The following OGFOD1 variants were observed in gnomAD, a reference collection of about 807,000 sequenced individuals.
OGFOD1 encodes prolyl 3-hydroxylase OGFOD1.
A neutral mutation model predicts 67.7 loss-of-function variants in OGFOD1; 54 were observed. The observed-to-expected ratio is 0.80, with a 90% CI of 0.64 to 1.00. OGFOD1 has a LOEUF of 1.00. OGFOD1 is among the 50% of genes least tolerant of loss of function. OGFOD1 has a pLI of 0.00. For missense variants in OGFOD1, 606 were observed against 646.7 expected, an observed-to-expected ratio of 0.94 and a Z score of 0.68; for synonymous variants, 221 against 227.0, an observed-to-expected ratio of 0.97 and a Z score of 0.24.
intron 8 of OGFOD1, among the ~76,000 whole-genome samples, chr16:56,468,402 G>A (rs1384841121): frequency 6.6e-6 from 1 of 152,172 alleles, no homozygotes; most frequent in Non-Finnish European, 1.5e-5. Flanking sequence ...TGATGAGGTA[G>A]CTTGTTATAG....
intron 7 of OGFOD1, 79 bp downstream of exon 7, chr16:56,467,372 C>A: frequency 1.3e-6 from 2 of 1,493,838 alleles, no homozygotes; most frequent in South Asian, 1.2e-5. Context: ...TTAGCTGTTC[C>A]ATTTAATGAA....
At chr16:56,464,418 C>T (rs537151246) in intron 4 of OGFOD1, among the ~76,000 whole-genome samples, 3 of 152,176 alleles carry the variant, frequency 2.0e-5, no homozygotes, top group South Asian at 4.2e-4. Flanking sequence ...CATCAAAGTT[C>T]GATTTGCTTA....
intron 11 of OGFOD1, 58 bp from the exon 12 acceptor site, chr16:56,475,449 G>C: frequency 6.8e-7 from 1 of 1,480,898 alleles, no homozygotes; most frequent in African/African-American, 1.4e-5. Flanking sequence ...GATTTAAGTA[G>C]ATGGTGCGAC....
intron 3 of OGFOD1, 56 bp downstream of exon 3, chr16:56,458,650 T>C (rs550903494): frequency 2.2e-6 from 3 of 1,364,224 alleles, no homozygotes; most frequent in Non-Finnish European, 3.1e-6. Flanking sequence ...GAGTAGTAAG[T>C]GCTTTAAATG....
intron 3 of OGFOD1, among the ~76,000 whole-genome samples, chr16:56,459,573 C>T (rs1168867545): frequency 6.6e-6 from 1 of 152,076 alleles, no homozygotes; most frequent in African/African-American, 2.4e-5. Flanking sequence ...GTTCTCAATT[C>T]TAAGAAACTT....
At chr16:56,466,349 TG>T (rs1360021314) in intron 5 of OGFOD1, 81 bp downstream of exon 5, 2 of 858,996 alleles carry the variant, frequency 2.3e-6, no homozygotes, top group African/African-American at 3.3e-5. Flanking sequence ...ATCATGTTTT[TG>T]TATACAATGT....
chr16:56,475,644 C>A, intron 12 of OGFOD1, 79 bp downstream of exon 12: 1 of 1,160,958 alleles, frequency 8.6e-7, no homozygotes, highest in Non-Finnish European at 1.3e-6. Flanking sequence ...ATTTTTATGA[C>A]CTTCTACCAG....
chr16:56,462,605 A>G lies in OGFOD1; in HGVS notation c.419A>G (p.Asp140Gly), dbSNP rs550474338. 1.2e-6 allele frequency: 2 copies of G among 1,610,770 alleles called. No homozygotes were observed. Among genetic ancestry groups the G allele is most frequent in the South Asian group, 2.2e-5 (2 of 91,014 alleles). Reference protein sequence around the residue: ...ISKIDLESTIDMSCAKYEFTD... With the variant: ...ISKIDLESTIGMSCAKYEFTD... ...AAAATTGACCTGGAATCAACCATTG[A>G]CATGTCCTGTGCTAAATATGAATTC... Residue 140 changes from aspartate to glycine, a missense_variant, in exon 4 of 13, where the codon GAC becomes GGC. Coordinates refer to ENST00000566157, the MANE Select transcript of OGFOD1 (RefSeq NM_018233.4).
chr16:56,458,490 C>T lies in OGFOD1; in HGVS notation c.301-58C>T, dbSNP rs1181819688. The T allele has an allele frequency of 2.7e-6, 4 of 1,494,212 alleles. No homozygotes were observed. The African/African-American group carries it at 4.1e-5, about 15-fold the overall frequency. The allele number at this position is 1,494,212 out of a possible 1,614,324, so 92.6% of individuals were successfully genotyped here. On this transcript the variant is annotated intron_variant, in intron 2 of 12. Coordinates refer to ENST00000566157, the MANE Select transcript of OGFOD1 (RefSeq NM_018233.4). ...CCAGAACACTCACTAAACTGCTCTC[C>T]TTTGTGTGTCTCTTATGTGAAGGAA... is the stretch of plus-strand genomic sequence containing the variant.
In OGFOD1 at chr16:56,475,206, T is replaced by C. The variant is rs571514199; in HGVS notation, c.1408+256T>C. Among the ~76,000 whole-genome samples the C allele has an allele frequency of 9.2e-5, 14 of 152,332 alleles. No individual in the cohort carries two copies. In the South Asian group the frequency reaches 2.7e-3, roughly 29 times the overall value. On this transcript the variant is annotated intron_variant, in intron 11 of 12. Transcript: ENST00000566157. ...TCCCCTAAGTGTGCTCCCAGATCTA[T>C]AGATTTTATGTAATTGCCCTTCTGG...
rs1399355081 is a variant in OGFOD1, at chr16:56,462,630, C to A, written c.444C>A (p.Phe148Leu). ...TIDMSCAKYE[F>L]TDALLCHDDE... is the part of the protein sequence containing the mutation. ...ACATGTCCTGTGCTAAATATGAATT[C>A]ACTGGTAAGGAAGATAAAGGCCTGG... Residue 148 changes from phenylalanine (F) to leucine (L), a missense_variant, in exon 4 of 13, where the codon TTC becomes TTA. Phe to Leu is a conservative substitution (Grantham distance 22). Coordinates refer to ENST00000566157, the MANE Select transcript of OGFOD1 (RefSeq NM_018233.4). 7.0e-6 allele frequency: 11 copies of A among 1,580,624 alleles called. No homozygotes were observed. Among genetic ancestry groups the A allele is most frequent in the Non-Finnish European group, 9.6e-6 (11 of 1,150,148 alleles).
Position 56,453,269 on chromosome 16 carries a change from T to C in OGFOD1, c.161T>C (p.Ile54Thr). 1 of 1,604,966 alleles carries C rather than the reference T, an allele frequency of 6.2e-7. No homozygotes were observed. The highest frequency in any genetic ancestry group is 1.7e-5 in the Admixed American group (1 of 57,238). ...SRRTPFSHEV[I>T]VMDMDPFLHC... ...AATGTTTTTCTTCCAACAGAAGTCA[T>C]TGTCATGGACATGGACCCTTTTCTT... Residue 54 changes from isoleucine (I) to threonine (T), a missense_variant, in exon 2 of 13, where the codon ATT becomes ACT. Coordinates refer to ENST00000566157, the MANE Select transcript of OGFOD1 (RefSeq NM_018233.4).
At position 56,466,893 on chromosome 16, in the gene OGFOD1, C is replaced by G. The variant is rs917873887; in HGVS notation, c.583C>G (p.Gln195Glu). 8 of 1,613,194 alleles carry G rather than the reference C, an allele frequency of 5.0e-6. No homozygotes were observed. The Admixed American group carries it at 6.7e-5, about 13-fold the overall frequency. ...YSIDEHFQPK[Q>E]IVKSLIPSWN... ...TGGTGCAGAACACTTTCAGCCGAAG[C>G]AGATTGTCAAGTCTCTTATCCCTTC... The change falls in exon 6 of 13, where the codon CAG becomes GAG. Residue 195 changes from glutamine to glutamate, a missense_variant. Physicochemically the swap from Gln to Glu is conservative, Grantham distance 29. Transcript: ENST00000566157.
At chr16:56,458,383 C>T (rs1962596781) in intron 2 of OGFOD1, 165 bp from the exon 3 acceptor site, 1 of 665,262 alleles carries the variant, frequency 1.5e-6, no homozygotes, top group African/African-American at 1.8e-5. Flanking sequence ...TGTCAAGTCA[C>T]AGACCCATCC....
intron 2 of OGFOD1, among the ~76,000 whole-genome samples, chr16:56,457,820 C>T (rs1172548557): frequency 6.6e-6 from 1 of 152,098 alleles, no homozygotes; most frequent in East Asian, 1.9e-4. Flanking sequence ...GCTGGAATTG[C>T]AGGCATGCAC....
At chr16:56,474,193 A>G (rs1334047605) in intron 10 of OGFOD1, among the ~76,000 whole-genome samples, 1 of 152,104 alleles carries the variant, frequency 6.6e-6, no homozygotes, top group African/African-American at 2.4e-5. Context: ...ACTTTAGGTA[A>G]TAACATGCTG....
intron 3 of OGFOD1, among the ~76,000 whole-genome samples, chr16:56,461,923 T>G (rs1333682421): frequency 6.6e-6 from 1 of 151,910 alleles, no homozygotes; most frequent in Non-Finnish European, 1.5e-5. Context: ...CAAAACCCCA[T>G]CTCTACTAAA....
At chr16:56,470,138 T>C in intron 9 of OGFOD1, 56 bp downstream of exon 9, 1 of 1,454,906 alleles carries the variant, frequency 6.9e-7, no homozygotes, top group Non-Finnish European at 9.6e-7. Context: ...TAACATTTTT[T>C]TATAACTAGT....
At chr16:56,469,126 T>G (rs1038144397) in intron 8 of OGFOD1, among the ~76,000 whole-genome samples, 1 of 152,260 alleles carries the variant, frequency 6.6e-6, no homozygotes, top group Non-Finnish European at 1.5e-5. Context: ...TCCTTTTTCA[T>G]GCATTTATAA....
Sources: gnomAD v4.1 joint callset for allele counts (sites outside exome capture counted in the v4.1 genomes callset) on GRCh38, gnomAD v4.1.1 for gene constraint, MANE v1.5 for transcripts, NCBI Gene and HGNC (gene_info 2026-07-23, HGNC 2026-07-21) for gene names.